The following BRF1 variants were observed in gnomAD, a reference collection of about 807,000 sequenced individuals.
BRF1 encodes the protein BRF1 general transcription factor IIIB subunit, also known as transcription factor IIIB 90 kDa subunit.
BRF1 carries 59 observed loss-of-function variants against 81.7 expected under a neutral mutation model. The ratio of observed to expected loss-of-function variants is 0.72; its 90% CI spans 0.59 to 0.90. The LOEUF is 0.90. BRF1 is among the 40% of genes least tolerant of loss of function. BRF1 has a pLI of 0.00. For missense variants in BRF1, 1,050 were observed against 936.3 expected, an observed-to-expected ratio of 1.12 and a Z score of -1.58; for synonymous variants, 491 against 395.6, an observed-to-expected ratio of 1.24 and a Z score of -2.86.
At position 105,256,567 on chromosome 14, in the gene BRF1, G is replaced by T; in HGVS notation, c.440-18C>A. ...GAGCATGTCTGCAGCAGGAGTCAAGGATCCTGTCGAGTGGCTGCAAGCTCA... is the reference window on the plus strand; with the variant it reads ...GAGCATGTCTGCAGCAGGAGTCAAGTATCCTGTCGAGTGGCTGCAAGCTCA... On this transcript the variant is annotated intron_variant, in intron 3 of 17. Coordinates refer to ENST00000547530, the MANE Select transcript of BRF1 (RefSeq NM_001519.4). The T allele has an allele frequency of 6.2e-7, 1 of 1,611,466 alleles. No homozygotes were observed. The highest frequency in any genetic ancestry group is 2.2e-5 in the East Asian group (1 of 44,820).
intron 14 of BRF1, among the ~76,000 whole-genome samples, chr14:105,218,014 G>A (rs1002650714): frequency 3.9e-5 from 6 of 152,104 alleles, no homozygotes; most frequent in African/African-American, 9.7e-5. Context: ...AGTGGGGCAC[G>A]TGGCCTGGCA....
chr14:105,265,058 TTTTTTTGTTTGTTTG>T (rs2056343671), intron 3 of BRF1, among the ~76,000 whole-genome samples: 1 of 146,512 alleles, frequency 6.8e-6, no homozygotes, highest in Non-Finnish European at 1.5e-5. Context: ...TTTTTTGTTT[TTTTTTTGTTTGTTTG>T]TTTTTTTAGA....
chr14:105,212,207 C>G, intron 15 of BRF1, 43 bp from the exon 16 acceptor site: 1 of 1,591,374 alleles, frequency 6.3e-7, no homozygotes, highest in Middle Eastern at 1.7e-4. Flanking sequence ...CCCAGGCTCC[C>G]GAACGCCTGC....
chr14:105,226,315 T>A (rs1177974250), intron 8 of BRF1, 25 bp from the exon 9 acceptor site: 3 of 1,613,890 alleles, frequency 1.9e-6, no homozygotes, highest in Non-Finnish European at 2.5e-6. Context: ...GGCAAGAGGC[T>A]TCGTGAAGGG....
intron 1 of BRF1, among the ~76,000 whole-genome samples, chr14:105,306,373 G>C (rs1471639056): frequency 1.3e-5 from 2 of 152,118 alleles, no homozygotes; most frequent in Non-Finnish European, 1.5e-5. Flanking sequence ...GCGCCATCTC[G>C]ACTCAGTGCA....
At chr14:105,279,495 C>T (rs587769404) in intron 2 of BRF1, among the ~76,000 whole-genome samples, 34 of 152,090 alleles carry the variant, frequency 2.2e-4, no homozygotes, top group Middle Eastern at 3.4e-3. Flanking sequence ...GAATTAATGC[C>T]GCAGCGAGTG....
At chr14:105,246,940 T>C in intron 5 of BRF1, 5 of 985,336 alleles carry the variant, frequency 5.1e-6, no homozygotes, top group Non-Finnish European at 6.0e-6. Context: ...CTGCTGTAAG[T>C]TATTCCTTCT....
intron 15 of BRF1, among the ~76,000 whole-genome samples, chr14:105,216,059 G>C (rs1454773794): frequency 1.4e-5 from 2 of 143,116 alleles, no homozygotes; most frequent in South Asian, 2.3e-4. Context: ...CACAGACACA[G>C]GCACACACAC....
At chr14:105,247,523 A>C in intron 5 of BRF1, 4 of 985,222 alleles carry the variant, frequency 4.1e-6, no homozygotes, top group Non-Finnish European at 4.8e-6. Context: ...CCTTTGTTGA[A>C]AATACCGCAA....
intron 5 of BRF1, chr14:105,250,564 G>T (rs774818164): frequency 6.2e-7 from 1 of 1,614,006 alleles, no homozygotes; most frequent in Admixed American, 1.7e-5. Flanking sequence ...AGGGGATGAC[G>T]GAAGTGCAGT....
chr14:105,293,746 G>A (rs587659250), intron 1 of BRF1, among the ~76,000 whole-genome samples: 20 of 152,332 alleles, frequency 1.3e-4, no homozygotes, highest in African/African-American at 4.1e-4. Flanking sequence ...GCCCCGGGAC[G>A]CTGGAGCACC....
Position 105,221,441 on chromosome 14 carries a change from G to A in BRF1, c.1315+207C>T, listed in dbSNP as rs377368546. 1.7e-3 allele frequency among the ~76,000 whole-genome samples: 262 copies of A among 152,270 alleles called. 1 individual carries two copies. The highest frequency in any genetic ancestry group is 0.01 in the Middle Eastern group (3 of 294). ...ACGAGACTCACTGCATTCTGGCGTC[G>A]GCACACACCCAATTCTTCACGCCAG... On this transcript the variant is annotated intron_variant, in intron 11 of 17. Coordinates refer to ENST00000547530, the MANE Select transcript of BRF1 (RefSeq NM_001519.4).
chr14:105,257,868 G>C (rs1393578938), intron 3 of BRF1, among the ~76,000 whole-genome samples: 1 of 152,192 alleles, frequency 6.6e-6, no homozygotes. Context: ...CATTAGGTCA[G>C]TGGCCACCAA....
intron 4 of BRF1, among the ~76,000 whole-genome samples, chr14:105,254,945 G>T (rs1305088873): frequency 6.6e-6 from 1 of 152,226 alleles, no homozygotes; most frequent in Non-Finnish European, 1.5e-5. Context: ...TCTAACTGTG[G>T]CTGCTCCTTG....
At chr14:105,250,792 C>T (rs902382525) in intron 5 of BRF1, 16 of 1,082,662 alleles carry the variant, frequency 1.5e-5, no homozygotes, top group Non-Finnish European at 2.1e-5. Flanking sequence ...ATGTAGTCAG[C>T]TGAAGCTTGA....
At chr14:105,224,009 T>C (rs587695954) in intron 10 of BRF1, among the ~76,000 whole-genome samples, 1 of 152,318 alleles carries the variant, frequency 6.6e-6, no homozygotes, top group East Asian at 1.9e-4. Flanking sequence ...AACGTTACTA[T>C]TGTAAGCCAA....
At chr14:105,252,720 G>A in intron 4 of BRF1, 141 bp from the exon 5 acceptor site, 1 of 885,804 alleles carries the variant, frequency 1.1e-6, no homozygotes, top group South Asian at 1.8e-5. Flanking sequence ...CGCAAGCCTG[G>A]CTGGCCTCCC....
intron 4 of BRF1, among the ~76,000 whole-genome samples, chr14:105,254,097 C>G (rs1014639405): frequency 6.6e-6 from 1 of 152,164 alleles, no homozygotes; most frequent in Non-Finnish European, 1.5e-5. Context: ...CTGCTGGCCT[C>G]TGCCTGCCCA....
chr14:105,226,684 ACTC>A lies in BRF1; in HGVS notation c.862_864del (p.Glu288del). 1.2e-6 allele frequency: 2 copies of A among 1,613,292 alleles called. No individual in the cohort carries two copies. The highest frequency in any genetic ancestry group is 1.1e-5 in the South Asian group (1 of 91,074). ...CCAGCTGTGTACGAGGGGGGGTCGC[ACTC>A]CTCCTCCAGGTCGATCTTCATGAAC... On this transcript the variant is annotated inframe_deletion, in exon 8 of 18. Coordinates refer to ENST00000547530, the MANE Select transcript of BRF1 (RefSeq NM_001519.4).
Sources: allele counts gnomAD v4.1 joint callset (sites outside exome capture counted in the v4.1 genomes callset), GRCh38; gene constraint gnomAD v4.1.1; transcripts MANE v1.5; gene names NCBI Gene and HGNC (gene_info 2026-07-23, HGNC 2026-07-21).